Variants in LAMA4 observed in about 807,000 individuals in gnomAD.
The protein encoded by LAMA4 is laminin subunit alpha 4.
In LAMA4, 127 loss-of-function variants were observed where a neutral mutation model predicts 207.1. The observed-to-expected ratio is 0.61, with a 90% CI of 0.53 to 0.71. The LOEUF (loss-of-function observed/expected upper bound fraction) is 0.71. Ranked by LOEUF, LAMA4 falls within the 30% of genes least tolerant of loss-of-function variation. The pLI, the probability that LAMA4 is intolerant of heterozygous loss-of-function variation, is 0.00. For synonymous variants in LAMA4, 761 were observed against 816.0 expected, an observed-to-expected ratio of 0.93 and a Z score of 1.15; for missense variants, 2,093 against 2,246.5, an observed-to-expected ratio of 0.93 and a Z score of 1.38.
chr6:112,111,011 G>A (rs749240016), intron 38 of LAMA4, among the ~76,000 whole-genome samples: 1 of 152,122 alleles, frequency 6.6e-6, no homozygotes, highest in Non-Finnish European at 1.5e-5. Context: ...AGACCCATGG[G>A]TGGGCTACAT....
intron 9 of LAMA4, chr6:112,178,543 G>T (rs1782157914): frequency 8.6e-6 from 3 of 350,502 alleles, no homozygotes; most frequent in Non-Finnish European, 1.6e-5. Context: ...AGTATACACT[G>T]CACCATATTT....
Position 112,189,109 on chromosome 6 carries a change from C to T in LAMA4, c.814+1G>A. On this transcript the variant is annotated splice_donor_variant, in intron 7 of 38. Transcript: ENST00000230538. LOFTEE classifies it high-confidence loss of function. ...AGTCAATCATGTACTGTTATTTTTA[C>T]TTATGGTTGGGCAGTCCATGCCTGT... is the stretch of plus-strand genomic sequence containing the variant. 1 of 1,604,882 alleles carries T rather than the reference C, an allele frequency of 6.2e-7. No homozygotes were observed.
In LAMA4 at chr6:112,149,929, C is replaced by CCAATCA. The variant is rs1420755767; in HGVS notation, c.2173+576_2173+581dup. Among the ~76,000 whole-genome samples the CCAATCA allele has an allele frequency of 6.9e-4, 105 of 152,276 alleles. 1 individual carries two copies. Among genetic ancestry groups the CCAATCA allele is most frequent in the Non-Finnish European group, 2.5e-4 (17 of 68,032 alleles). On this transcript the variant is annotated intron_variant, in intron 17 of 38. Coordinates refer to ENST00000230538, the MANE Select transcript of LAMA4 (RefSeq NM_001105206.3). ...TGCGCGAAGGAAGGCACATCTGCTTCCAATCACATCTATCTAAGATACCAC... is the reference window on the plus strand; with the variant it reads ...TGCGCGAAGGAAGGCACATCTGCTTCCAATCACAATCACATCTATCTAAGATACCAC...
intron 2 of LAMA4, among the ~76,000 whole-genome samples, chr6:112,224,253 C>A (rs536152763): frequency 6.6e-6 from 1 of 152,004 alleles, no homozygotes; most frequent in East Asian, 1.9e-4. Flanking sequence ...CCAAGAATAT[C>A]CTCCCTCCCC....
At chr6:112,156,662 A>AT (rs1441565427) in intron 14 of LAMA4, among the ~76,000 whole-genome samples, 6 of 151,842 alleles carry the variant, frequency 4.0e-5, no homozygotes, top group Non-Finnish European at 8.8e-5. Context: ...TCATCACCTC[A>AT]TTTGTCAGTA....
chr6:112,143,913 AG>A (rs1488556441), intron 19 of LAMA4, among the ~76,000 whole-genome samples: 17 of 152,200 alleles, frequency 1.1e-4, no homozygotes, highest in African/African-American at 3.9e-4. Context: ...ATTTGTCACA[AG>A]GGACCATTTA....
intron 7 of LAMA4, among the ~76,000 whole-genome samples, chr6:112,188,575 C>G (rs1782833231): frequency 6.6e-6 from 1 of 152,124 alleles, no homozygotes; most frequent in African/African-American, 2.4e-5. Flanking sequence ...AGTTTTGTTC[C>G]TAGTGTAACT....
At position 112,150,573 on chromosome 6, in the gene LAMA4, CT is replaced by C. The variant is rs782772119; in HGVS notation, c.2110del (p.Arg704GlyfsTer33). On this transcript the variant is annotated frameshift_variant, in exon 17 of 39. Transcript: ENST00000230538. LOFTEE classifies it high-confidence loss of function. ...GAGTCTGGTTTTAAGGGCACTTTTC[CT>C]TGCTAGGGCTCCACCCACACGCCTG... ...TSRRVGGALA[R>X]KSALKTRLSD... 6.2e-7 allele frequency: 1 copy of C among 1,614,060 alleles called. No individual in the cohort carries two copies. Among genetic ancestry groups the C allele is most frequent in the Non-Finnish European group, 8.5e-7 (1 of 1,179,972 alleles).
chr6:112,145,056 A>G, intron 18 of LAMA4, 123 bp from the exon 19 acceptor site: 1 of 957,336 alleles, frequency 1.0e-6, no homozygotes, highest in Non-Finnish European at 1.6e-6. Context: ...TTAATCCTGC[A>G]AAATTAATAG....
rs1784108123 is a variant in LAMA4 at position 112,207,210 on chromosome 6, A to G, written c.298-65T>C. On this transcript the variant is annotated intron_variant, in intron 3 of 38. Transcript: ENST00000230538. ...AGAAATTTTAGAGACAGCACATCTA[A>G]GCATCATGCAATACTTTTTCAAGCA... 3 of 1,567,740 alleles carry G rather than the reference A, an allele frequency of 1.9e-6. No homozygotes were observed. In the Admixed American group the frequency reaches 5.0e-5, roughly 26 times the overall value.
intron 14 of LAMA4, among the ~76,000 whole-genome samples, chr6:112,156,394 G>C (rs1479661579): frequency 7.9e-5 from 12 of 152,250 alleles, no homozygotes. Flanking sequence ...ATATAGAAAT[G>C]CTTGGTATAC....
chr6:112,120,641 G>T (rs1398660052), intron 32 of LAMA4, among the ~76,000 whole-genome samples, 169 bp from the exon 33 acceptor site: 1 of 152,160 alleles, frequency 6.6e-6, no homozygotes, highest in Non-Finnish European at 1.5e-5. Flanking sequence ...AATTAGCATG[G>T]CTAGTTCAAA....
intron 2 of LAMA4, among the ~76,000 whole-genome samples, chr6:112,250,085 G>A (rs539684773): frequency 6.6e-6 from 1 of 152,236 alleles, no homozygotes; most frequent in South Asian, 2.1e-4. Context: ...CTCCAAACCA[G>A]CTTGTTGGGT....
intron 7 of LAMA4, 87 bp downstream of exon 7, chr6:112,189,023 G>C: frequency 1.0e-6 from 1 of 963,258 alleles, no homozygotes; most frequent in South Asian, 1.4e-5. Context: ...AGTTTCTAGA[G>C]AGTGATATTG....
At chr6:112,237,495 A>G (rs1292462087) in intron 2 of LAMA4, among the ~76,000 whole-genome samples, 1 of 152,238 alleles carries the variant, frequency 6.6e-6, no homozygotes, top group Non-Finnish European at 1.5e-5. Context: ...TGTGAAATTC[A>G]TCTATAAAAC....
At chr6:112,186,627 G>A (rs1414401917) in intron 8 of LAMA4, 2 of 365,954 alleles carry the variant, frequency 5.5e-6, no homozygotes, top group East Asian at 7.3e-5. Flanking sequence ...GATAATGTAT[G>A]CACATCCTCC....
At chr6:112,230,524 A>G (rs1785498293) in intron 2 of LAMA4, among the ~76,000 whole-genome samples, 1 of 152,216 alleles carries the variant, frequency 6.6e-6, no homozygotes, top group Non-Finnish European at 1.5e-5. Context: ...GGATCAACTA[A>G]TATTTAATGC....
intron 3 of LAMA4, chr6:112,213,571 T>C (rs1554357503): frequency 3.9e-5 from 6 of 152,952 alleles, no homozygotes; most frequent in Non-Finnish European, 8.8e-5. Context: ...TATTTTCATT[T>C]AGCCACTATT....
Position 112,245,838 on chromosome 6 carries a change from C to T in LAMA4, c.195+8118G>A, listed in dbSNP as rs139155598. On this transcript the variant is annotated intron_variant, in intron 2 of 38. Transcript: ENST00000230538. Reference sequence around the variant, plus strand: ...AAAGTCCTGGGAGTGAAAAGAAGGTCATTTTGCATATTACTCAAATTATAT... The same window carrying T: ...AAAGTCCTGGGAGTGAAAAGAAGGTTATTTTGCATATTACTCAAATTATAT... Among the ~76,000 whole-genome samples, 308 of 152,274 alleles carry T rather than the reference C, an allele frequency of 2.0e-3. 2 individuals carry two copies. Among genetic ancestry groups the T allele is most frequent in the African/African-American group, 7.3e-3 (303 of 41,560 alleles).
Sources: gnomAD v4.1 joint callset for allele counts (sites outside exome capture counted in the v4.1 genomes callset) on GRCh38, gnomAD v4.1.1 for gene constraint, MANE v1.5 for transcripts, NCBI Gene and HGNC (gene_info 2026-07-23, HGNC 2026-07-21) for gene names.